The following APC variants were observed in gnomAD, a reference collection of about 807,000 sequenced individuals.
APC encodes adenomatous polyposis coli protein.
A neutral mutation model predicts 247.0 loss-of-function variants in APC; 72 were observed. The observed-to-expected ratio is 0.29, with a 90% CI of 0.24 to 0.35. The LOEUF (loss-of-function observed/expected upper bound fraction) is 0.35. APC is among the 10% of genes least tolerant of loss of function. The probability of loss-of-function intolerance (pLI) is 1.00; values close to 1 mark genes in which losing one functional copy is unlikely to be tolerated. For missense variants in APC, 3,400 were observed against 3,360.7 expected, an observed-to-expected ratio of 1.01 and a Z score of -0.29; for synonymous variants, 1,254 against 1,162.5, an observed-to-expected ratio of 1.08 and a Z score of -1.60.
At chr5:112,748,919 A>G (rs1366686203) in intron 1 of APC, among the ~76,000 whole-genome samples, 1 of 152,186 alleles carries the variant, frequency 6.6e-6, no homozygotes, top group East Asian at 1.9e-4. Flanking sequence ...GTTACTTGAG[A>G]CTTGAGCCAG....
intron 6 of APC, among the ~76,000 whole-genome samples, chr5:112,789,717 T>C (rs971052240): frequency 2.0e-5 from 3 of 152,172 alleles, no homozygotes; most frequent in Middle Eastern, 3.2e-3. Context: ...TCTCTAAAGC[T>C]AGGAAGTACT....
chr5:112,752,314 C>A (rs989287503), intron 1 of APC, among the ~76,000 whole-genome samples: 1 of 152,120 alleles, frequency 6.6e-6, no homozygotes, highest in East Asian at 1.9e-4. Context: ...AAATAATAAT[C>A]CTCCACATTT....
At chr5:112,762,926 A>G (rs1247466299) in intron 2 of APC, among the ~76,000 whole-genome samples, 1 of 152,230 alleles carries the variant, frequency 6.6e-6, no homozygotes, top group African/African-American at 2.4e-5. Context: ...ATTGGATGGT[A>G]TCATCTTAAG....
Position 112,841,447 on chromosome 5 carries a change from A to G in APC, c.5853A>G (p.Leu1951=), listed in dbSNP as rs2149950921. The G allele has an allele frequency of 1.2e-6, 2 of 1,614,024 alleles. No individual in the cohort carries two copies. Among genetic ancestry groups the G allele is most frequent in the East Asian group, 2.2e-5 (1 of 44,886 alleles). Residue 1951 remains leucine (L), a synonymous_variant, in exon 16 of 16, where the codon TTA becomes TTG. Transcript: ENST00000257430. The surrounding 1 kb of genome is among the most constrained non-coding windows in gnomAD (Gnocchi z 4.6). ...GAGGGGCAGCAACTGATGAAAAGTT[A>G]CAGAATTTTGCTATTGAAAATACTC... ...PDRGAATDEK[L]QNFAIENTPV...
chr5:112,760,726 A>T (rs1338783100), intron 2 of APC, among the ~76,000 whole-genome samples: 1 of 152,172 alleles, frequency 6.6e-6, no homozygotes, highest in Non-Finnish European at 1.5e-5. Context: ...CATATTTTCT[A>T]TCTGAATATA....
chr5:112,768,854 C>T (rs1756684121), intron 4 of APC, among the ~76,000 whole-genome samples: 1 of 151,806 alleles, frequency 6.6e-6, no homozygotes, highest in Non-Finnish European at 1.5e-5. Context: ...TAGCGTAGAA[C>T]ACAGTCTTAT....
intron 6 of APC, among the ~76,000 whole-genome samples, chr5:112,781,269 T>C (rs898884443): frequency 6.6e-6 from 1 of 152,160 alleles, no homozygotes; most frequent in Non-Finnish European, 1.5e-5. Flanking sequence ...CTTCAAATTG[T>C]GCACTTAAAA....
At chr5:112,755,478 T>A (rs1334179795) in intron 2 of APC, among the ~76,000 whole-genome samples, 1 of 152,188 alleles carries the variant, frequency 6.6e-6, no homozygotes, top group East Asian at 1.9e-4. Context: ...AGCCATGAAC[T>A]GAAAGTCAGT....
At chr5:112,787,405 T>A (rs1759093337) in intron 6 of APC, among the ~76,000 whole-genome samples, 1 of 152,178 alleles carries the variant, frequency 6.6e-6, no homozygotes, top group Admixed American at 6.5e-5. Flanking sequence ...TAAAGTAATC[T>A]TTTTAGTTTA....
At chr5:112,735,640 C>G (rs1561415646), upstream of APC, among the ~76,000 whole-genome samples, 1 of 151,738 alleles carries the variant, frequency 6.6e-6, no homozygotes, top group South Asian at 2.1e-4. Context: ...GAAATTTGGC[C>G]CAGTATACTT....
chr5:112,735,974 T>TA (rs1436963962), upstream of APC, among the ~76,000 whole-genome samples: 1 of 152,146 alleles, frequency 6.6e-6, no homozygotes, highest in Non-Finnish European at 1.5e-5. Context: ...GAGTCAAGAG[T>TA]AATAGGCTTA....
At chr5:112,793,089 G>A (rs1427736694) in intron 7 of APC, among the ~76,000 whole-genome samples, 1 of 151,892 alleles carries the variant, frequency 6.6e-6, no homozygotes, top group Admixed American at 6.6e-5. Flanking sequence ...AGTAAAAAAG[G>A]GTTAAAAGCA....
chr5:112,760,304 C>A (rs979169829), intron 2 of APC, among the ~76,000 whole-genome samples: 3 of 152,084 alleles, frequency 2.0e-5, no homozygotes, highest in Non-Finnish European at 4.4e-5. Flanking sequence ...CTCATTTTTA[C>A]CATGAGATAT....
chr5:112,724,828 G>C (rs1017537723), intron 1 of APC, among the ~76,000 whole-genome samples: 7 of 152,078 alleles, frequency 4.6e-5, no homozygotes, highest in Non-Finnish European at 5.9e-5. Flanking sequence ...CGGTGGGTAA[G>C]GATGGAGGAG....
At chr5:112,796,862 T>G (rs1052343456) in intron 7 of APC, among the ~76,000 whole-genome samples, 7 of 152,164 alleles carry the variant, frequency 4.6e-5, no homozygotes, top group African/African-American at 1.2e-4. Context: ...TGATTATTAC[T>G]GTTTTGCTGC....
intron 2 of APC, among the ~76,000 whole-genome samples, chr5:112,757,817 A>G (rs531887204): frequency 1.3e-5 from 2 of 152,354 alleles, no homozygotes; most frequent in African/African-American, 4.8e-5. Flanking sequence ...CTATTTGATT[A>G]TATGTGTCTT....
At position 112,840,031 on chromosome 5, in the gene APC, C is replaced by T. The variant is rs776622357; in HGVS notation, c.4437C>T (p.Val1479=). 2 of 1,613,942 alleles carry T rather than the reference C, an allele frequency of 1.2e-6. No individual in the cohort carries two copies. The highest frequency in any genetic ancestry group is 2.7e-5 in the African/African-American group (2 of 74,884). The change falls in exon 16 of 16, where the codon GTC becomes GTT. Residue 1479 remains valine, a synonymous_variant. Coordinates refer to ENST00000257430, the MANE Select transcript of APC (RefSeq NM_000038.6). This position sits in a 1 kb window ranked among gnomAD's most constrained non-coding sequence, Gnocchi z 4.1. ...QAAVNAAVQR[V]QVLPDADTLL... is the part of the protein sequence containing the mutation. ...CAGTAAATGCTGCAGTTCAGAGGGT[C>T]CAGGTTCTTCCAGATGCTGATACTT...
At chr5:112,828,479 A>C (rs1010682725) in intron 13 of APC, among the ~76,000 whole-genome samples, 1 of 148,960 alleles carries the variant, frequency 6.7e-6, no homozygotes, top group Non-Finnish European at 1.5e-5. Flanking sequence ...AAAAAACAGG[A>C]TCTCCCTCTC....
At chr5:112,743,266 C>T (rs1470828087) in intron 1 of APC, among the ~76,000 whole-genome samples, 20 of 152,146 alleles carry the variant, frequency 1.3e-4, no homozygotes, top group Admixed American at 1.3e-3. Context: ...TTGGGTCCAC[C>T]CAGATAATCC....
Sources: gnomAD v4.1 joint callset for allele counts (sites outside exome capture counted in the v4.1 genomes callset) on GRCh38, gnomAD v4.1.1 for gene constraint, Gnocchi (gnomAD v3.1) non-coding constraint, MANE v1.5 for transcripts, NCBI Gene and HGNC (gene_info 2026-07-23, HGNC 2026-07-21) for gene names.